MCF2L2: variants seen among roughly 807,000 people sequenced by gnomAD.
MCF2L2 encodes the protein MCF.2 cell line derived transforming sequence-like 2.
A neutral mutation model predicts 150.2 loss-of-function variants in MCF2L2; 102 were observed. The ratio of observed to expected loss-of-function variants is 0.68; its 90% CI spans 0.58 to 0.80. MCF2L2 has a LOEUF of 0.80. MCF2L2 is among the 30% of genes least tolerant of loss of function. The pLI is 0.00. For synonymous variants in MCF2L2, 465 were observed against 491.3 expected (o/e 0.95, Z 0.71); for missense variants, 1,256 against 1,372.8 (o/e 0.91, Z 1.34).
intron 7 of MCF2L2, 47 bp from the exon 8 acceptor site, chr3:183,311,819 A>G (rs541998507): frequency 6.4e-7 from 1 of 1,571,628 alleles, no homozygotes; most frequent in Non-Finnish European, 8.7e-7. Flanking sequence ...GAAAAAACAA[A>G]TTCTTGGTAG....
In MCF2L2 at chr3:183,309,750, A is replaced by C; in HGVS notation, c.1079T>G (p.Leu360Arg). Reference protein sequence around the residue: ...GDSVMHVEQILKEHKKLEEKS... With the variant: ...GDSVMHVEQIRKEHKKLEEKS... Reference sequence around the variant, plus strand: ...TTCCTCCAGTTTTTTGTGTTCCTTAAGAATCTGCTCCACGTGCATCACGCT... The same window carrying C: ...TTCCTCCAGTTTTTTGTGTTCCTTACGAATCTGCTCCACGTGCATCACGCT... Residue 360 changes from leucine to arginine, a missense_variant, in exon 10 of 30, where the codon CTT (leucine) becomes CGT (arginine). By Grantham distance (102) the Leu-to-Arg change is moderately radical (BLOSUM62 -2). Transcript: ENST00000328913. The C allele has an allele frequency of 6.2e-7, 1 of 1,614,018 alleles. No individual in the cohort carries two copies. The highest frequency in any genetic ancestry group is 1.1e-5 in the South Asian group (1 of 91,084).
chr3:183,346,569 G>A (rs1208433598), intron 3 of MCF2L2, among the ~76,000 whole-genome samples: 1 of 152,108 alleles, frequency 6.6e-6, no homozygotes, highest in Non-Finnish European at 1.5e-5. Context: ...AGGGCAATGA[G>A]GCAAGAGAAT....
At chr3:183,420,082 A>G (rs1378308685) in intron 1 of MCF2L2, among the ~76,000 whole-genome samples, 3 of 152,186 alleles carry the variant, frequency 2.0e-5, no homozygotes, top group Non-Finnish European at 1.5e-5. Context: ...CCTGGACTTC[A>G]TTGTGCATAT....
chr3:183,243,398 G>A (rs1341204640), intron 15 of MCF2L2, among the ~76,000 whole-genome samples: 1 of 152,120 alleles, frequency 6.6e-6, no homozygotes, highest in Non-Finnish European at 1.5e-5. Context: ...ACCTGGTGAG[G>A]CTGTGCATGC....
intron 7 of MCF2L2, among the ~76,000 whole-genome samples, chr3:183,313,396 G>T (rs948499071): frequency 6.6e-6 from 1 of 152,226 alleles, no homozygotes; most frequent in African/African-American, 2.4e-5. Flanking sequence ...CATGAATGAG[G>T]AAAGTGTGTG....
In MCF2L2 at chr3:183,215,949, AAC is replaced by A; in HGVS notation, c.2496+18_2496+19del. The A allele has an allele frequency of 6.2e-7, 1 of 1,609,670 alleles. No homozygotes were observed. The highest frequency in any genetic ancestry group is 8.5e-7 in the Non-Finnish European group (1 of 1,177,802). The stretch of plus-strand genomic sequence containing the variant: ...ACCTGCCTTTTGTGTGAGATGCTCT[AAC>A]ACTACTATGGAACATACCGGACATT... On this transcript the variant is annotated intron_variant, in intron 22 of 29. Transcript: ENST00000328913.
At chr3:183,303,940 C>T (rs1277908573) in intron 10 of MCF2L2, among the ~76,000 whole-genome samples, 1 of 152,174 alleles carries the variant, frequency 6.6e-6, no homozygotes, top group Non-Finnish European at 1.5e-5. Context: ...ACTTCCTCAA[C>T]TCCATTCTCT....
At chr3:183,189,363 G>A (rs1721800867) in intron 27 of MCF2L2, among the ~76,000 whole-genome samples, 1 of 152,234 alleles carries the variant, frequency 6.6e-6, no homozygotes, top group African/African-American at 2.4e-5. Flanking sequence ...CTCCAGTCAG[G>A]TCATGTTGTC....
chr3:183,365,397 A>C lies in MCF2L2; in HGVS notation c.275+13900T>G, dbSNP rs1712462247. On this transcript the variant is annotated intron_variant, in intron 3 of 29. Coordinates refer to ENST00000328913, the MANE Select transcript of MCF2L2 (RefSeq NM_015078.4). ...ACACTAGAAAAGAAGGCAAAGCTTA[A>C]GGGATGGGGAGAAGTGATTAATTTC... Among the ~76,000 whole-genome samples the C allele has an allele frequency of 2.6e-5, 4 of 152,228 alleles. No individual in the cohort carries two copies. The South Asian group carries it at 8.3e-4, about 31-fold the overall frequency.
intron 15 of MCF2L2, among the ~76,000 whole-genome samples, chr3:183,258,105 T>C (rs753751309): frequency 6.6e-5 from 10 of 151,756 alleles, no homozygotes; most frequent in Non-Finnish European, 8.8e-5. Context: ...GTAGCTGGGA[T>C]TACAGGCATG....
At chr3:183,203,600 C>T (rs536708313) in intron 25 of MCF2L2, among the ~76,000 whole-genome samples, 1 of 152,280 alleles carries the variant, frequency 6.6e-6, no homozygotes, top group African/African-American at 2.4e-5. Flanking sequence ...CTGTGAGATA[C>T]CTTCAAGCAC....
At chr3:183,355,746 G>A (rs1407447589) in intron 3 of MCF2L2, among the ~76,000 whole-genome samples, 13 of 151,236 alleles carry the variant, frequency 8.6e-5, no homozygotes, top group Admixed American at 5.3e-4. Flanking sequence ...GATTACAGGC[G>A]TGAGCCACCG....
In MCF2L2 at chr3:183,380,435, A is replaced by C. The variant is rs141530637; in HGVS notation, c.161-1024T>G. Among the ~76,000 whole-genome samples the C allele has an allele frequency of 3.1e-3, 472 of 152,234 alleles. 2 individuals are homozygous for C. Among genetic ancestry groups the C allele is most frequent in the Middle Eastern group, 0.017 (5 of 294 alleles). On this transcript the variant is annotated intron_variant, in intron 2 of 29. Transcript: ENST00000328913. The stretch of plus-strand genomic sequence containing the variant: ...TCCTTTTATTGAGACAGAGTCTCGC[A>C]CTGTCGCCCAGGCTAGAGTGCAGTG...
intron 2 of MCF2L2, among the ~76,000 whole-genome samples, chr3:183,387,142 T>C (rs1450957735): frequency 2.0e-5 from 3 of 151,834 alleles, no homozygotes; most frequent in Non-Finnish European, 4.4e-5. Context: ...TGCCTGCCTG[T>C]AGTCTCAGTT....
At position 183,400,456 on chromosome 3, in the gene MCF2L2, G is replaced by T. The variant is rs530429936; in HGVS notation, c.77-10677C>A. 59 of 456,522 alleles carry T rather than the reference G, an allele frequency of 1.3e-4. 1 individual carries two copies. The highest frequency in any genetic ancestry group is 7.9e-4 in the South Asian group (51 of 64,550). 28.3% of individuals were successfully genotyped at this position (456,522 alleles called of 1,614,324 possible). Reference sequence around the variant, plus strand: ...ACCAAGGTGTAAGGTGAGTATCTAGGATCTTGCTGCTCACACTTCATGCAC... The same window carrying T: ...ACCAAGGTGTAAGGTGAGTATCTAGTATCTTGCTGCTCACACTTCATGCAC... On this transcript the variant is annotated intron_variant, in intron 1 of 29. Coordinates refer to ENST00000328913, the MANE Select transcript of MCF2L2 (RefSeq NM_015078.4).
chr3:183,222,717 G>A (rs1432739191), intron 20 of MCF2L2, among the ~76,000 whole-genome samples: 2 of 152,100 alleles, frequency 1.3e-5, no homozygotes, highest in African/African-American at 4.8e-5. Context: ...ACTTATCGTG[G>A]TGGCCCAAAC....
At chr3:183,261,461 T>C (rs1357434937) in intron 15 of MCF2L2, among the ~76,000 whole-genome samples, 1 of 152,170 alleles carries the variant, frequency 6.6e-6, no homozygotes, top group Non-Finnish European at 1.5e-5. Context: ...TATTAAGTAA[T>C]AAAAGTTTAA....
At chr3:183,211,840 CAAG>C (rs1722734223) in intron 22 of MCF2L2, among the ~76,000 whole-genome samples, 2 of 152,072 alleles carry the variant, frequency 1.3e-5, no homozygotes, top group South Asian at 4.2e-4. Context: ...TTGATTTATC[CAAG>C]GAGTTCATTC....
At chr3:183,339,952 C>T (rs762497553) in intron 4 of MCF2L2, among the ~76,000 whole-genome samples, 17 of 152,140 alleles carry the variant, frequency 1.1e-4, no homozygotes, top group Non-Finnish European at 1.9e-4. Flanking sequence ...AAATTAGGCT[C>T]AGACATTAGA....
Sources: allele counts gnomAD v4.1 joint callset (sites outside exome capture counted in the v4.1 genomes callset), GRCh38; gene constraint gnomAD v4.1.1; transcripts MANE v1.5; gene names NCBI Gene and HGNC (gene_info 2026-07-23, HGNC 2026-07-21).